TTN: variants seen among roughly 807,000 people sequenced by gnomAD.
The protein encoded by TTN is titin, also known as connectin.
In TTN, 1,525 loss-of-function variants were observed where a neutral mutation model predicts 3,223.0. That is an observed-to-expected ratio of 0.47 (90% CI 0.45 to 0.49). TTN has a LOEUF of 0.49. Among genes scored for constraint, TTN ranks in the 20% least tolerant of loss-of-function variants. The pLI, the probability that TTN is intolerant of heterozygous loss-of-function variation, is 0.00. For missense variants in TTN, 40,786 were observed against 43,424.0 expected (o/e 0.94, Z 5.40); for synonymous variants, 14,094 against 15,161.0 (o/e 0.93, Z 5.17).
At chr2:178,631,503 C>T (rs2059797497) in intron 236 of TTN, among the ~76,000 whole-genome samples, 1 of 152,044 alleles carries the variant, frequency 6.6e-6, no homozygotes, top group South Asian at 2.1e-4. Context: ...AAGATCTAAT[C>T]CATTCATATT....
rs909077920 is a variant in TTN, at chr2:178,774,602, G to A, written c.6791-129C>T. 12 of 816,448 alleles carry A rather than the reference G, an allele frequency of 1.5e-5. No individual in the cohort carries two copies. The South Asian group carries it at 1.5e-4, about 10-fold the overall frequency. 50.6% of individuals were successfully genotyped at this position (816,448 alleles called of 1,614,324 possible). On this transcript the variant is annotated intron_variant, in intron 29 of 362. Transcript: ENST00000589042. ...TCAGGTGTATTCTTAATATCTACCCGCTGATGGGCTGAGAGATAAATTTTC... is the reference window on the plus strand; with the variant it reads ...TCAGGTGTATTCTTAATATCTACCCACTGATGGGCTGAGAGATAAATTTTC...
chr2:178,622,153 A>C (rs2058390825), intron 243 of TTN, 145 bp from the exon 244 acceptor site: 1 of 729,018 alleles, frequency 1.4e-6, no homozygotes, highest in East Asian at 2.7e-5. Flanking sequence ...AGACACAAAT[A>C]TAAACAAACC....
Position 178,577,410 on chromosome 2 carries a change from G to C in TTN, c.68925C>G (p.Pro22975=). ...CCTTGGACCAACTTGATTTTGGAAG[G>C]GGTTTGCCAAGAATGCTAATGGCAT... is the stretch of plus-strand genomic sequence containing the variant. The part of the protein sequence containing the change: ...VLNAISILGK[P]LPKSSWSKAG... The change falls in exon 324 of 363, where the codon CCC becomes CCG. Residue 22975 remains proline, a synonymous_variant. Coordinates refer to ENST00000589042, the MANE Select transcript of TTN (RefSeq NM_001267550.2). 6.2e-7 allele frequency: 1 copy of C among 1,612,372 alleles called. No homozygotes were observed. Among genetic ancestry groups the C allele is most frequent in the Non-Finnish European group, 8.5e-7 (1 of 1,179,322 alleles).
In TTN at chr2:178,547,562, G is replaced by C; in HGVS notation, c.94064C>G (p.Ala31355Gly). 1 of 1,613,798 alleles carries C rather than the reference G, an allele frequency of 6.2e-7. No homozygotes were observed. Among genetic ancestry groups the C allele is most frequent in the Non-Finnish European group, 8.5e-7 (1 of 1,179,800 alleles). ...GACACTGGAATTGACAAGCTGCCAA[G>C]CTGTTGTACCCGATTCACGCTTTTC... ...IVEKRESGTT[A>G]WQLVNSSVKR... The change falls in exon 339 of 363, where the codon GCT (alanine) becomes GGT (glycine). Residue 31355 changes from alanine to glycine, a missense_variant. Ala to Gly is a moderately conservative substitution (Grantham distance 60). Transcript: ENST00000589042.
rs1269705888 is a variant in TTN, at chr2:178,780,011, C to A, written c.3718G>T (p.Val1240Leu). ...ACTTTTATACTCACCTGATCTTCTA[C>A]ATAAGTTCTGACCACTACAGTATCT... ...AKDTVVVRTY[V>L]EDQEFHISSF... The change falls in exon 22 of 363, where the codon GTA becomes TTA. Residue 1240 changes from valine to leucine, a missense_variant. Coordinates refer to ENST00000589042, the MANE Select transcript of TTN (RefSeq NM_001267550.2). 6.2e-7 allele frequency: 1 copy of A among 1,612,382 alleles called. No homozygotes were observed. The highest frequency in any genetic ancestry group is 8.5e-7 in the Non-Finnish European group (1 of 1,179,662).
At position 178,574,885 on chromosome 2, in the gene TTN, G is replaced by A; in HGVS notation, c.71247C>T (p.Asp23749=). 1 of 1,612,814 alleles carries A rather than the reference G, an allele frequency of 6.2e-7. No individual in the cohort carries two copies. The highest frequency in any genetic ancestry group is 8.5e-7 in the Non-Finnish European group (1 of 1,179,426). Residue 23749 remains aspartate (D), a synonymous_variant, in exon 326 of 363, where the codon GAC becomes GAT. Coordinates refer to ENST00000589042, the MANE Select transcript of TTN (RefSeq NM_001267550.2). ...GTACACCACCATCGTTCTCAGGTGG[G>A]TCCCAAGAGAAGGTTACAAAATCAG... is the stretch of plus-strand genomic sequence containing the variant. ...VSSDFVTFSW[D]PPENDGGVPI... is the part of the protein sequence containing the mutation.
At position 178,774,480 on chromosome 2, in the gene TTN, T is replaced by C; in HGVS notation, c.6791-7A>G. 5 of 1,611,346 alleles carry C rather than the reference T, an allele frequency of 3.1e-6. No homozygotes were observed. The highest frequency in any genetic ancestry group is 4.2e-6 in the Non-Finnish European group (5 of 1,179,812). Reference sequence around the variant, plus strand: ...ACAAACTCAACAACTGCACCTGAAGTGTATAACAGAAAGATAAATCAATTT... The same window carrying C: ...ACAAACTCAACAACTGCACCTGAAGCGTATAACAGAAAGATAAATCAATTT... On this transcript the variant is annotated splice_region_variant and splice_polypyrimidine_tract_variant and intron_variant, in intron 29 of 362. Transcript: ENST00000589042.
intron 138 of TTN, 44 bp downstream of exon 138, chr2:178,681,035 G>T: frequency 6.9e-7 from 1 of 1,439,224 alleles, no homozygotes. Context: ...AATTTCAAAA[G>T]AGGCATCAGA....
chr2:178,539,002 A>G lies in TTN; in HGVS notation c.98933T>C (p.Val32978Ala), dbSNP rs1190695147. The G allele has an allele frequency of 3.7e-6, 6 of 1,613,616 alleles. No homozygotes were observed. The highest frequency in any genetic ancestry group is 1.7e-5 in the Admixed American group (1 of 59,988). ...YQFRIIAQNDVGLSETSPASE... is the reference protein window; with the variant it reads ...YQFRIIAQNDAGLSETSPASE... ...AGCAGGGCTGGTCTCACTCAGGCCA[A>G]CATCATTCTGTGCGATGATGCGGAA... is the stretch of plus-strand genomic sequence containing the variant. The change falls in exon 353 of 363, where the codon GTT becomes GCT. Residue 32978 changes from valine to alanine, a missense_variant. Coordinates refer to ENST00000589042, the MANE Select transcript of TTN (RefSeq NM_001267550.2).
Position 178,789,487 on chromosome 2 carries a change from T to C in TTN, c.1949A>G (p.Glu650Gly), listed in dbSNP as rs1424441754. The C allele has an allele frequency of 6.2e-7, 1 of 1,613,224 alleles. No individual in the cohort carries two copies. The highest frequency in any genetic ancestry group is 1.3e-5 in the African/African-American group (1 of 74,908). The change falls in exon 13 of 363, where the codon GAA becomes GGA. Residue 650 changes from glutamate (E) to glycine (G), a missense_variant. Glu to Gly is a moderately conservative substitution (Grantham distance 98). Coordinates refer to ENST00000589042, the MANE Select transcript of TTN (RefSeq NM_001267550.2). The stretch of plus-strand genomic sequence containing the variant: ...TGTAGACAAGGCAGTTTTCTCGGCT[T>C]CCTTTCTCATCTGATTATTACAGTA... ...VQITQEKMRKEAEKTALSTIA... is the reference protein window; with the variant it reads ...VQITQEKMRKGAEKTALSTIA...
At chr2:178,646,103 A>AC (rs1560055466) in intron 216 of TTN, 73 bp from the exon 217 acceptor site, 1 of 38,200 alleles carries the variant, frequency 2.6e-5, no homozygotes, top group Admixed American at 6.0e-4. Flanking sequence ...TTTAATAGAA[A>AC]TTATATATAT....
Position 178,607,700 on chromosome 2 carries a change from C to T in TTN, c.53003-15G>A. On this transcript the variant is annotated splice_polypyrimidine_tract_variant and intron_variant, in intron 276 of 362. Transcript: ENST00000589042. ...AGCTGGAGGCTCTGTTGAAAGAGAA[C>T]AGTCATGCATTAGCCCATGAAAGAT... 6.2e-7 allele frequency: 1 copy of T among 1,612,640 alleles called. No individual in the cohort carries two copies. Among genetic ancestry groups the T allele is most frequent in the Non-Finnish European group, 8.5e-7 (1 of 1,179,286 alleles).
Position 178,678,429 on chromosome 2 carries a change from C to T in TTN, c.33895G>A (p.Ala11299Thr), listed in dbSNP as rs775606450. 1.9e-6 allele frequency: 3 copies of T among 1,590,928 alleles called. No individual in the cohort carries two copies. Among genetic ancestry groups the T allele is most frequent in the Non-Finnish European group, 2.6e-6 (3 of 1,168,378 alleles). Reference protein sequence around the residue: ...VPVPAPKKVEAPPAKVPEVPK... With the variant: ...VPVPAPKKVETPPAKVPEVPK... ...AATTATGTACCTTTTGCAGGTGGAG[C>T]CTCCACTTTCTTAGGAGCAGGAACT... Residue 11299 changes from alanine to threonine, a missense_variant, in exon 144 of 363, where the codon GCT becomes ACT. Transcript: ENST00000589042.
Position 178,722,250 on chromosome 2 carries a change from T to C in TTN, c.22528+9A>G. On this transcript the variant is annotated intron_variant, in intron 77 of 362. Coordinates refer to ENST00000589042, the MANE Select transcript of TTN (RefSeq NM_001267550.2). Reference sequence around the variant, plus strand: ...GTTTGCAAAGAAAAAGAGTGACGTGTGAACAAACCTCTTGCTGTGAGTCTA... The same window carrying C: ...GTTTGCAAAGAAAAAGAGTGACGTGCGAACAAACCTCTTGCTGTGAGTCTA... 1 of 1,557,604 alleles carries C rather than the reference T, an allele frequency of 6.4e-7. No individual in the cohort carries two copies. Among genetic ancestry groups the C allele is most frequent in the East Asian group, 2.3e-5 (1 of 44,438 alleles).
chr2:178,635,214 T>A lies in TTN; in HGVS notation c.41975A>T (p.Asp13992Val). 1 of 1,613,374 alleles carries A rather than the reference T, an allele frequency of 6.2e-7. No homozygotes were observed. Among genetic ancestry groups the A allele is most frequent in the Non-Finnish European group, 8.5e-7 (1 of 1,179,516 alleles). The change falls in exon 228 of 363, where the codon GAC becomes GTC. Residue 13992 changes from aspartate (D) to valine (V), a missense_variant. Coordinates refer to ENST00000589042, the MANE Select transcript of TTN (RefSeq NM_001267550.2). ...ASFDAEISEA[D>V]IPGQWKLKGE... Reference sequence around the variant, plus strand: ...TTTCAGTTTCCATTGTCCAGGAATGTCTGCCTCTGAGATTTCTGCATCAAA... The same window carrying A: ...TTTCAGTTTCCATTGTCCAGGAATGACTGCCTCTGAGATTTCTGCATCAAA...
At chr2:178,623,557 TG>T (rs1175780187) in intron 242 of TTN, among the ~76,000 whole-genome samples, 1 of 151,894 alleles carries the variant, frequency 6.6e-6, no homozygotes, top group African/African-American at 2.4e-5. Context: ...TCCTTGCAGC[TG>T]AGCCTTCTTG....
At position 178,697,119 on chromosome 2, in the gene TTN, A is replaced by C. The variant is rs1382430860; in HGVS notation, c.30802+2T>G. The C allele has an allele frequency of 1.9e-6, 3 of 1,546,838 alleles. No individual in the cohort carries two copies. The highest frequency in any genetic ancestry group is 1.7e-6 in the Non-Finnish European group (2 of 1,142,934). On this transcript the variant is annotated splice_donor_variant, in intron 113 of 362. Transcript: ENST00000589042. LOFTEE classifies it high-confidence loss of function. ...GAATAAAAATAATTTATCTTTATTTACCTTTTGCTGGAATTAAGGTAGTAG... is the reference window on the plus strand; with the variant it reads ...GAATAAAAATAATTTATCTTTATTTCCCTTTTGCTGGAATTAAGGTAGTAG...
intron 47 of TTN, chr2:178,746,440 G>T (rs752382960): frequency 6.2e-7 from 1 of 1,611,550 alleles, no homozygotes; most frequent in Admixed American, 1.7e-5. Flanking sequence ...ATTCTTTAAC[G>T]TCTTTTTCAC....
At position 178,795,237 on chromosome 2, in the gene TTN, T is replaced by C. The variant is rs771544059; in HGVS notation, c.930A>G (p.Ala310=). The change falls in exon 7 of 363, where the codon GCA becomes GCG. Residue 310 remains alanine, a synonymous_variant. Transcript: ENST00000589042. ...TPSPVRSVSP[A]ARISTSPIRS... The stretch of plus-strand genomic sequence containing the variant: ...TGATGGGGGATGTGGAGATTCTTGC[T>C]GCTGGAGACACGGACCTGAAAACCA... The C allele has an allele frequency of 6.2e-7, 1 of 1,614,150 alleles. No homozygotes were observed. The highest frequency in any genetic ancestry group is 1.7e-5 in the Admixed American group (1 of 60,012).
Sources: gnomAD v4.1 joint callset for allele counts (sites outside exome capture counted in the v4.1 genomes callset) on GRCh38, gnomAD v4.1.1 for gene constraint, MANE v1.5 for transcripts, NCBI Gene and HGNC (gene_info 2026-07-23, HGNC 2026-07-21) for gene names.